SYTL2: variants seen among roughly 807,000 people sequenced by gnomAD.
SYTL2 encodes the protein synaptotagmin like 2, also known as synaptotagmin-like protein 2.
Under a neutral mutation model 198.7 loss-of-function variants are expected in SYTL2, and 165 were observed. The observed-to-expected ratio is 0.83, with a 90% confidence interval of 0.73 to 0.94. SYTL2 has a LOEUF of 0.94. SYTL2 is among the 40% of genes least tolerant of loss of function. The pLI, the probability that SYTL2 is intolerant of heterozygous loss-of-function variation, is 0.00. For synonymous variants in SYTL2, 966 were observed against 917.7 expected, an observed-to-expected ratio of 1.05 and a Z score of -0.95; for missense variants, 2,835 against 2,582.8, an observed-to-expected ratio of 1.10 and a Z score of -2.12.
In SYTL2 at chr11:85,760,030, G is replaced by C. The variant is rs563964184; in HGVS notation, c.-389-1916C>G. Reference sequence around the variant, plus strand: ...ATCCTCCTAATGTTGGGCTTGGCCTGTGACTCGCTTTGGCCAATGGAATGT... The same window carrying C: ...ATCCTCCTAATGTTGGGCTTGGCCTCTGACTCGCTTTGGCCAATGGAATGT... On this transcript the variant is annotated intron_variant, in intron 1 of 19. Coordinates refer to ENST00000359152, the MANE Select transcript of SYTL2 (RefSeq NM_206927.4). Among the ~76,000 whole-genome samples, 3 of 152,312 alleles carry C rather than the reference G, an allele frequency of 2.0e-5. No homozygotes were observed. In the South Asian group the frequency reaches 6.2e-4, roughly 32 times the overall value.
At chr11:85,739,720 T>C (rs1267598751) in intron 4 of SYTL2, among the ~76,000 whole-genome samples, 1 of 152,174 alleles carries the variant, frequency 6.6e-6, no homozygotes, top group African/African-American at 2.4e-5. Context: ...ATCTCACTTA[T>C]GAAAAAACTG....
chr11:85,697,785 A>G (rs2083617130), intron 18 of SYTL2, among the ~76,000 whole-genome samples, 194 bp downstream of exon 18: 1 of 152,208 alleles, frequency 6.6e-6, no homozygotes, highest in South Asian at 2.1e-4. Flanking sequence ...TTGACCTCTT[A>G]CTTTATGATT....
At position 85,725,553 on chromosome 11, in the gene SYTL2, G is replaced by A. The variant is rs115359501; in HGVS notation, c.3805C>T (p.Pro1269Ser). The change falls in exon 8 of 20, where the codon CCT becomes TCT. Residue 1269 changes from proline (P) to serine (S), a missense_variant. This residue lies in a region of SYTL2 where 2,645 missense variants were observed against 2,381.7 expected (regional missense o/e 1.11). Coordinates refer to ENST00000359152, the MANE Select transcript of SYTL2 (RefSeq NM_206927.4). ...AAAGTTTCATCTCTCACTGGAAAAG[G>A]AGCTAGTATTTCTCTCTTATCAGCT... The part of the protein sequence containing the change: ...TSADKREILA[P>S]FPVRDETFGN... 10 of 1,614,034 alleles carry A rather than the reference G, an allele frequency of 6.2e-6. No individual in the cohort carries two copies. In the East Asian group the frequency reaches 2.0e-4, roughly 32 times the overall value.
intron 8 of SYTL2, among the ~76,000 whole-genome samples, chr11:85,723,211 GC>G (rs1342687993): frequency 2.0e-5 from 3 of 152,062 alleles, no homozygotes. Context: ...CAAAACCAAC[GC>G]CCCCACGTTC....
chr11:85,733,443 T>C (rs1285462658), intron 7 of SYTL2, among the ~76,000 whole-genome samples: 1 of 152,132 alleles, frequency 6.6e-6, no homozygotes, highest in Non-Finnish European at 1.5e-5. Flanking sequence ...TAGTTATTGG[T>C]GATTGAGGAA....
At chr11:85,737,001 C>T (rs991964767) in intron 5 of SYTL2, among the ~76,000 whole-genome samples, 31 of 152,270 alleles carry the variant, frequency 2.0e-4, no homozygotes, top group African/African-American at 7.2e-4. Flanking sequence ...TCTCAGTGTG[C>T]TAGATCACAA....
At chr11:85,789,372 A>ATG (rs2092694514) in intron 1 of SYTL2, among the ~76,000 whole-genome samples, 7 of 41,914 alleles carry the variant, frequency 1.7e-4, no homozygotes, top group East Asian at 6.4e-4. Context: ...ATATATATAT[A>ATG]TATATGTATA....
chr11:85,761,662 T>C (rs1274738717), intron 1 of SYTL2, among the ~76,000 whole-genome samples: 1 of 152,190 alleles, frequency 6.6e-6, no homozygotes, highest in Non-Finnish European at 1.5e-5. Flanking sequence ...CACTCTGAGG[T>C]AGGTCTTATG....
At chr11:85,740,975 C>T (rs2090742474) in intron 4 of SYTL2, among the ~76,000 whole-genome samples, 1 of 152,288 alleles carries the variant, frequency 6.6e-6, no homozygotes, top group East Asian at 1.9e-4. Context: ...CAAGGTGCTT[C>T]TATGCACATG....
At chr11:85,798,378 G>T (rs916232997) in intron 1 of SYTL2, among the ~76,000 whole-genome samples, 1 of 152,168 alleles carries the variant, frequency 6.6e-6, no homozygotes, top group Non-Finnish European at 1.5e-5. Flanking sequence ...AATACATAGC[G>T]TCTTGAGAAA....
chr11:85,766,493 T>C (rs2092243071), intron 1 of SYTL2, among the ~76,000 whole-genome samples: 1 of 152,214 alleles, frequency 6.6e-6, no homozygotes, highest in Non-Finnish European at 1.5e-5. Context: ...AGAGTTCTGA[T>C]ATTGCATGAA....
At chr11:85,802,541 T>C (rs558066113) in intron 1 of SYTL2, among the ~76,000 whole-genome samples, 1 of 152,298 alleles carries the variant, frequency 6.6e-6, no homozygotes, top group African/African-American at 2.4e-5. Flanking sequence ...CAATAAGCTG[T>C]ATGCATTTCT....
intron 7 of SYTL2, 90 bp downstream of exon 7, chr11:85,733,849 T>A: frequency 1.0e-6 from 1 of 1,000,544 alleles, no homozygotes; most frequent in South Asian, 1.5e-5. Flanking sequence ...TCCACCCGCC[T>A]CGGCCTCCCA....
chr11:85,781,703 G>A (rs1381711342), intron 1 of SYTL2, among the ~76,000 whole-genome samples: 2 of 152,212 alleles, frequency 1.3e-5, no homozygotes, highest in Admixed American at 6.5e-5. Flanking sequence ...AAATGAAGGG[G>A]CAACAGGCCC....
At chr11:85,780,080 G>A (rs1016698174) in intron 1 of SYTL2, among the ~76,000 whole-genome samples, 3 of 152,196 alleles carry the variant, frequency 2.0e-5, no homozygotes, top group Non-Finnish European at 4.4e-5. Flanking sequence ...GGTGAAAGAA[G>A]ACAATTCAGG....
At chr11:85,706,318 C>A (rs1314066639) in intron 15 of SYTL2, among the ~76,000 whole-genome samples, 1 of 152,142 alleles carries the variant, frequency 6.6e-6, no homozygotes, top group East Asian at 1.9e-4. Flanking sequence ...CTGAGGTGCC[C>A]AAAGACACAC....
At chr11:85,701,228 A>G (rs1488504923) in intron 16 of SYTL2, among the ~76,000 whole-genome samples, 1 of 152,232 alleles carries the variant, frequency 6.6e-6, no homozygotes, top group Non-Finnish European at 1.5e-5. Context: ...ATTTGCATAT[A>G]CGTAATGAGA....
chr11:85,702,398 G>C (rs764027493), intron 16 of SYTL2, among the ~76,000 whole-genome samples: 3 of 152,026 alleles, frequency 2.0e-5, no homozygotes, highest in Non-Finnish European at 4.4e-5. Context: ...CCTCAGGCTT[G>C]TCTCCATCCA....
chr11:85,749,705 T>C (rs1016929815), intron 2 of SYTL2, among the ~76,000 whole-genome samples: 3 of 152,208 alleles, frequency 2.0e-5, no homozygotes, highest in African/African-American at 4.8e-5. Flanking sequence ...TGGTTTTTAT[T>C]AAATGTTCCT....
Sources: gnomAD v4.1 joint callset for allele counts (sites outside exome capture counted in the v4.1 genomes callset) on GRCh38, gnomAD v4.1.1 for gene constraint, gnomAD v4.1.1 regional missense constraint, MANE v1.5 for transcripts, NCBI Gene and HGNC (gene_info 2026-07-23, HGNC 2026-07-21) for gene names.